PGBD2: variants seen among roughly 807,000 people sequenced by gnomAD.
PGBD2 encodes the protein piggyBac transposable element-derived protein 2.
PGBD2 carries 6 observed loss-of-function variants against 8.1 expected under a neutral mutation model. The ratio of observed to expected loss-of-function variants is 0.74; its 90% CI spans 0.40 to 1.46. The LOEUF is 1.46. Ranked by LOEUF, PGBD2 falls within the 40% of genes most tolerant of loss-of-function variation. The pLI is 0.02. For missense variants in PGBD2, 802 were observed against 739.0 expected (o/e 1.09, Z -0.99); for synonymous variants, 318 against 272.2 (o/e 1.17, Z -1.66).
At chr1:248,928,094 T>C in the PGBD2 span, among the ~76,000 whole-genome samples, 3 of 152,320 alleles carry the variant, frequency 2.0e-5, no homozygotes, top group South Asian at 2.1e-4. Context: ...TTTGCTTTTT[T>C]TAAAAAAATT....
At chr1:248,913,909 T>G in intron 2 of PGBD2, 30 bp downstream of exon 2, 11 of 1,589,652 alleles carry the variant, frequency 6.9e-6, no homozygotes, top group Non-Finnish European at 9.5e-6. Flanking sequence ...AAATGTTTTA[T>G]TGAAGAATTT....
intron 1 of PGBD2, among the ~76,000 whole-genome samples, chr1:248,906,741 C>T (rs1226164250): frequency 6.9e-6 from 1 of 145,920 alleles, no homozygotes; most frequent in Non-Finnish European, 1.5e-5. Context: ...CATCCTGGGG[C>T]GGGGTGGCTC....
At chr1:248,900,455 A>G in the PGBD2 span, among the ~76,000 whole-genome samples, 1 of 152,210 alleles carries the variant, frequency 6.6e-6, no homozygotes, top group African/African-American at 2.4e-5. Flanking sequence ...AAATCAATGT[A>G]TGTAATTCAT....
the PGBD2 span, among the ~76,000 whole-genome samples, chr1:248,891,689 G>C: frequency 6.6e-6 from 1 of 152,104 alleles, no homozygotes; most frequent in Non-Finnish European, 1.5e-5. Flanking sequence ...AATCAGCCAG[G>C]CACAGATGCC....
At chr1:248,875,109 G>A in the PGBD2 span, among the ~76,000 whole-genome samples, 5 of 151,984 alleles carry the variant, frequency 3.3e-5, no homozygotes, top group South Asian at 1.0e-3. Flanking sequence ...CATCCCGGCT[G>A]ACAGGGTGAA....
the PGBD2 span, among the ~76,000 whole-genome samples, chr1:248,894,709 TCTTG>T: frequency 0.015 from 2,260 of 148,176 alleles, 50 homozygotes; most frequent in African/African-American, 0.046. Context: ...CTCCTTTCTT[TCTTG>T]CTTGCTTGCT....
Position 248,916,964 on chromosome 1 carries a change from C to G in PGBD2, c.380C>G (p.Ser127Ter). 6.2e-7 allele frequency: 1 copy of G among 1,613,286 alleles called. No individual in the cohort carries two copies. The highest frequency in any genetic ancestry group is 1.7e-4 in the Middle Eastern group (1 of 6,052). ...CCAGACTTTGGCAGTTGGACTGCATCAGATCCTCATATTGAGGATCTGAAA... is the reference window on the plus strand; with the variant it reads ...CCAGACTTTGGCAGTTGGACTGCATGAGATCCTCATATTGAGGATCTGAAA... ...IRPDFGSWTA[S>*]DPHIEDLKSQ... Residue 127 changes from serine to a stop codon, truncating the protein, a stop_gained, in exon 3 of 3, where the codon TCA (serine) becomes TGA (stop). Coordinates refer to ENST00000329291, the MANE Select transcript of PGBD2 (RefSeq NM_170725.3). LOFTEE classifies it low-confidence loss of function (END_TRUNC).
upstream of PGBD2, among the ~76,000 whole-genome samples, chr1:248,903,262 G>C (rs1435659825): frequency 6.6e-6 from 1 of 152,150 alleles, no homozygotes; most frequent in African/African-American, 2.4e-5. Flanking sequence ...GCAGTGGCAT[G>C]ATCATAGCTC....
intron 2 of PGBD2, 28 bp from the exon 3 acceptor site, chr1:248,916,574 T>C: frequency 6.2e-7 from 1 of 1,601,788 alleles, no homozygotes; most frequent in South Asian, 1.1e-5. Context: ...GCATGGCCTC[T>C]TCCTGATTCT....
Position 248,918,512 on chromosome 1 carries a change from CT to C in PGBD2, c.*155del. On this transcript the variant is annotated 3_prime_UTR_variant, in exon 3 of 3. Transcript: ENST00000329291. ...TTCTCCCTACCCACAATACAGTTATCTTTTTTATTGTGTTGTGTTATGCCTA... is the reference window on the plus strand; with the variant it reads ...TTCTCCCTACCCACAATACAGTTATCTTTTTATTGTGTTGTGTTATGCCTA... 1 of 653,282 alleles carries C rather than the reference CT, an allele frequency of 1.5e-6. No individual in the cohort carries two copies. The highest frequency in any genetic ancestry group is 2.5e-6 in the Non-Finnish European group (1 of 403,226). 40.5% of individuals were successfully genotyped at this position (653,282 alleles called of 1,614,324 possible).
At chr1:248,903,194 T>C (rs887551415), upstream of PGBD2, among the ~76,000 whole-genome samples, 1 of 152,096 alleles carries the variant, frequency 6.6e-6, no homozygotes, top group Non-Finnish European at 1.5e-5. Context: ...TTTAAATTTA[T>C]TTTTATTTTT....
At chr1:248,919,235 C>G (rs974813020), downstream of PGBD2, 1 of 167,070 alleles carries the variant, frequency 6.0e-6, no homozygotes, top group Non-Finnish European at 1.5e-5. Flanking sequence ...CCCCCACCCC[C>G]TAACTACCCT....
chr1:248,878,816 G>A, the PGBD2 span, among the ~76,000 whole-genome samples: 3 of 152,190 alleles, frequency 2.0e-5, no homozygotes, highest in Admixed American at 6.5e-5. Flanking sequence ...CTAAGATGGT[G>A]TATTTGGCAA....
At position 248,917,271 on chromosome 1, in the gene PGBD2, T is replaced by C. The variant is rs1162423259; in HGVS notation, c.687T>C (p.His229=). Residue 229 remains histidine (H), a synonymous_variant, in exon 3 of 3, where the codon CAT becomes CAC. Coordinates refer to ENST00000329291, the MANE Select transcript of PGBD2 (RefSeq NM_170725.3). ...TTGAACTAATCTTCTCATACTTACA[T>C]TTTGCAGATAACAACGAACTTGATG... ...DRFELIFSYL[H]FADNNELDAS... The C allele has an allele frequency of 6.2e-7, 1 of 1,614,140 alleles. No individual in the cohort carries two copies.
chr1:248,899,868 T>C, the PGBD2 span, among the ~76,000 whole-genome samples: 72 of 148,314 alleles, frequency 4.9e-4, no homozygotes, highest in African/African-American at 1.8e-3. Flanking sequence ...AAGAATCAAA[T>C]AGATATAATT....
At chr1:248,921,450 T>C (rs1428449847), downstream of PGBD2, among the ~76,000 whole-genome samples, 2 of 152,208 alleles carry the variant, frequency 1.3e-5, no homozygotes, top group Non-Finnish European at 2.9e-5. Context: ...TGCTAGTAGA[T>C]GTGGATGTTG....
At chr1:248,876,363 G>T in the PGBD2 span, among the ~76,000 whole-genome samples, 1 of 152,096 alleles carries the variant, frequency 6.6e-6, no homozygotes, top group Admixed American at 6.6e-5. Context: ...ATTTGTAAAC[G>T]AATCTTCATA....
At chr1:248,913,330 T>A (rs923490552) in intron 1 of PGBD2, among the ~76,000 whole-genome samples, 1 of 152,234 alleles carries the variant, frequency 6.6e-6, no homozygotes, top group Non-Finnish European at 1.5e-5. Context: ...TATAGTTATA[T>A]AAGTGGTGTT....
chr1:248,906,563 G>C (rs1052924478), intron 1 of PGBD2: 1 of 149,050 alleles, frequency 6.7e-6, no homozygotes, highest in African/African-American at 2.5e-5. Context: ...AGGCCGGGCC[G>C]GCTGAGCGGG....
Sources: gnomAD v4.1 joint callset for allele counts (sites outside exome capture counted in the v4.1 genomes callset) on GRCh38, gnomAD v4.1.1 for gene constraint, MANE v1.5 for transcripts, NCBI Gene and HGNC (gene_info 2026-07-23, HGNC 2026-07-21) for gene names.